GRIA4: variants seen among roughly 807,000 people sequenced by gnomAD.
GRIA4 encodes the protein glutamate receptor 4.
Under a neutral mutation model 104.0 loss-of-function variants are expected in GRIA4, and 34 were observed. That is an observed-to-expected ratio of 0.33 (90% confidence interval 0.25 to 0.44). The LOEUF (loss-of-function observed/expected upper bound fraction) is 0.44, where lower values mean the gene tolerates loss of function less well. Among genes scored for constraint, GRIA4 ranks in the 20% least tolerant of loss-of-function variants. The pLI is 1.00. For synonymous variants in GRIA4, 386 were observed against 381.9 expected (o/e 1.01, Z -0.13); for missense variants, 750 against 1,096.5 (o/e 0.68, Z 4.46).
chr11:105,877,845 G>T (rs920052778), intron 5 of GRIA4, among the ~76,000 whole-genome samples: 4 of 152,018 alleles, frequency 2.6e-5, no homozygotes, highest in African/African-American at 9.7e-5. Flanking sequence ...CCTTGCATTG[G>T]GTTAGAACAT....
intron 4 of GRIA4, among the ~76,000 whole-genome samples, chr11:105,840,627 G>A (rs1404408195): frequency 6.6e-6 from 1 of 152,108 alleles, no homozygotes; most frequent in Non-Finnish European, 1.5e-5. Context: ...TGAGAAATGC[G>A]GTTTCTATAC....
At chr11:105,617,462 G>A (rs1950630008) in intron 3 of GRIA4, among the ~76,000 whole-genome samples, 1 of 151,754 alleles carries the variant, frequency 6.6e-6, no homozygotes, top group Non-Finnish European at 1.5e-5. Context: ...CTATCCTAGT[G>A]CTTTTACCGG....
intron 4 of GRIA4, among the ~76,000 whole-genome samples, chr11:105,793,936 G>A (rs1297334085): frequency 6.6e-6 from 1 of 152,152 alleles, no homozygotes; most frequent in Non-Finnish European, 1.5e-5. Flanking sequence ...GTGTGGGGAA[G>A]AATGGAGAGA....
intron 14 of GRIA4, among the ~76,000 whole-genome samples, chr11:105,957,868 A>T (rs1948632808): frequency 6.6e-6 from 1 of 152,080 alleles, no homozygotes; most frequent in African/African-American, 2.4e-5. Context: ...ATTCTCTTTG[A>T]AGCAATTGTG....
chr11:105,679,084 C>T (rs1009112382), intron 3 of GRIA4, among the ~76,000 whole-genome samples: 5 of 152,074 alleles, frequency 3.3e-5, no homozygotes, highest in Non-Finnish European at 7.4e-5. Context: ...ACAGTTATAG[C>T]GGAAAACAAG....
chr11:105,934,042 T>G, intron 14 of GRIA4, 73 bp downstream of exon 14: 2 of 1,243,936 alleles, frequency 1.6e-6, no homozygotes, highest in Non-Finnish European at 2.3e-6. Flanking sequence ...CCTGAGAGAA[T>G]TATTTTGTTT....
chr11:105,698,417 A>T (rs909449026), intron 3 of GRIA4, among the ~76,000 whole-genome samples: 3 of 152,166 alleles, frequency 2.0e-5, no homozygotes, highest in African/African-American at 4.8e-5. Context: ...GTATCAAATT[A>T]AGATAGTAGT....
chr11:105,629,596 T>G (rs893803617), intron 3 of GRIA4, among the ~76,000 whole-genome samples: 1 of 152,188 alleles, frequency 6.6e-6, no homozygotes, highest in African/African-American at 2.4e-5. Flanking sequence ...AGAATTTCCA[T>G]TTTTAACGTA....
intron 3 of GRIA4, among the ~76,000 whole-genome samples, chr11:105,665,460 C>T (rs980301084): frequency 6.6e-6 from 1 of 151,890 alleles, no homozygotes; most frequent in African/African-American, 2.4e-5. Flanking sequence ...TCACCATTAG[C>T]GTATCCCGGA....
Position 105,945,393 on chromosome 11 carries a change from C to T in GRIA4, c.2294+11424C>T, listed in dbSNP as rs534619856. On this transcript the variant is annotated intron_variant, in intron 14 of 16. Coordinates refer to ENST00000282499, the MANE Select transcript of GRIA4 (RefSeq NM_000829.4). Reference sequence around the variant, plus strand: ...TGTGAGACCTGAGGAAAGGGTTGACCAGAACTGAACTTGACTTTAATACAA... The same window carrying T: ...TGTGAGACCTGAGGAAAGGGTTGACTAGAACTGAACTTGACTTTAATACAA... The T allele has an allele frequency of 3.0e-5, 9 of 299,426 alleles. No individual in the cohort carries two copies. The South Asian group carries it at 1.1e-3, about 35-fold the overall frequency. 18.5% of individuals were successfully genotyped at this position (299,426 alleles called of 1,614,324 possible).
At position 105,955,552 on chromosome 11, in the gene GRIA4, T is replaced by C. The variant is rs183324436; in HGVS notation, c.2295-16362T>C. On this transcript the variant is annotated intron_variant, in intron 14 of 16. Coordinates refer to ENST00000282499, the MANE Select transcript of GRIA4 (RefSeq NM_000829.4). ...TGGGCATATTGGTCGGTTCCATGTCTTTGCTATTGTACACAGTGCTGCAAT... is the reference window on the plus strand; with the variant it reads ...TGGGCATATTGGTCGGTTCCATGTCCTTGCTATTGTACACAGTGCTGCAAT... 3.5e-3 allele frequency among the ~76,000 whole-genome samples: 528 copies of C among 152,360 alleles called. 3 individuals carry two copies. The highest frequency in any genetic ancestry group is 0.012 in the African/African-American group (504 of 41,578).
At position 105,688,966 on chromosome 11, in the gene GRIA4, T is replaced by G. The variant is rs1446430185; in HGVS notation, c.248-64015T>G. 2.0e-5 allele frequency among the ~76,000 whole-genome samples: 3 copies of G among 152,096 alleles called. No individual in the cohort carries two copies. The South Asian group carries it at 6.3e-4, about 32-fold the overall frequency. On this transcript the variant is annotated intron_variant, in intron 3 of 16. Coordinates refer to ENST00000282499, the MANE Select transcript of GRIA4 (RefSeq NM_000829.4). Reference sequence around the variant, plus strand: ...AAGTTGACACCTAAAAAAAAATGGCTTATAGTTGATGAACTGGGGGAAAAT... The same window carrying G: ...AAGTTGACACCTAAAAAAAAATGGCGTATAGTTGATGAACTGGGGGAAAAT...
chr11:105,688,156 C>CTCTATCTCTA (rs1555101401), intron 3 of GRIA4, among the ~76,000 whole-genome samples: 24 of 72,744 alleles, frequency 3.3e-4, no homozygotes, highest in African/African-American at 7.9e-4. Flanking sequence ...ATATCTATAT[C>CTCTATCTCTA]TCTATCTATC....
intron 3 of GRIA4, among the ~76,000 whole-genome samples, chr11:105,696,665 T>A (rs1953287797): frequency 1.3e-5 from 2 of 152,150 alleles, no homozygotes; most frequent in Non-Finnish European, 2.9e-5. Flanking sequence ...TTAATTGAAA[T>A]GTTTGCACCT....
chr11:105,610,819 T>C, intron 1 of GRIA4, 89 bp from the exon 2 acceptor site: 1 of 582,222 alleles, frequency 1.7e-6, no homozygotes, highest in South Asian at 2.1e-5. Flanking sequence ...CTAGTCATAA[T>C]CTTAAACCAC....
chr11:105,760,779 T>C (rs188913426), intron 4 of GRIA4, among the ~76,000 whole-genome samples: 1 of 152,236 alleles, frequency 6.6e-6, no homozygotes, highest in Admixed American at 6.5e-5. Context: ...TAATATGCAT[T>C]GTTGTGAAGT....
intron 3 of GRIA4, among the ~76,000 whole-genome samples, chr11:105,740,570 C>T (rs147776045): frequency 5.3e-5 from 8 of 152,198 alleles, no homozygotes; most frequent in Non-Finnish European, 8.8e-5. Flanking sequence ...ACATAAAAGA[C>T]GTAAATAAGC....
intron 4 of GRIA4, among the ~76,000 whole-genome samples, chr11:105,860,504 T>C (rs1449905690): frequency 1.3e-5 from 2 of 152,186 alleles, no homozygotes; most frequent in African/African-American, 4.8e-5. Context: ...CTCAAATAAG[T>C]GTTAGACTTT....
intron 5 of GRIA4, among the ~76,000 whole-genome samples, chr11:105,866,197 A>C (rs1024664699): frequency 1.3e-5 from 2 of 152,150 alleles, no homozygotes; most frequent in Admixed American, 6.6e-5. Context: ...TTCTCACTTT[A>C]AATAAGGACA....
Sources: gnomAD v4.1 joint callset for allele counts (sites outside exome capture counted in the v4.1 genomes callset) on GRCh38, gnomAD v4.1.1 for gene constraint, MANE v1.5 for transcripts, NCBI Gene and HGNC (gene_info 2026-07-23, HGNC 2026-07-21) for gene names.